Variants in TP63 observed in about 807,000 individuals in gnomAD.
TP63 encodes tumor protein 63.
In TP63, 17 loss-of-function variants were observed where a neutral mutation model predicts 82.8. The observed-to-expected ratio is 0.21, with a 90% CI of 0.14 to 0.31. The LOEUF (loss-of-function observed/expected upper bound fraction) is 0.31, where lower values mean the gene tolerates loss of function less well. TP63 is among the 10% of genes least tolerant of loss of function. The pLI, the probability that TP63 is intolerant of heterozygous loss-of-function variation, is 1.00. For missense variants in TP63, 648 were observed against 895.3 expected, an observed-to-expected ratio of 0.72 and a Z score of 3.52; for synonymous variants, 330 against 321.7, an observed-to-expected ratio of 1.03 and a Z score of -0.28.
rs1294809942 is a variant in TP63, at chr3:189,894,288, TCTC to T, written c.1834_1836del (p.Ser612del). 3 of 1,613,910 alleles carry T rather than the reference TCTC, an allele frequency of 1.9e-6. No individual in the cohort carries two copies. In the Admixed American group the frequency reaches 5.0e-5, roughly 27 times the overall value. On this transcript the variant is annotated inframe_deletion, in exon 14 of 14. Coordinates refer to ENST00000264731, the MANE Select transcript of TP63 (RefSeq NM_003722.5). ...CTGGACCACCGGCAGCTCCACGAAT[TCTC>T]CTCCCCTTCTCATCTCCTGCGGACC...
the TP63 span, among the ~76,000 whole-genome samples, chr3:189,620,152 C>T: frequency 6.6e-6 from 1 of 152,174 alleles, no homozygotes; most frequent in African/African-American, 2.4e-5. Flanking sequence ...GCGGGCAGAC[C>T]ACGAGGTCAA....
intron 5 of TP63, among the ~76,000 whole-genome samples, chr3:189,864,864 G>T (rs1717504080): frequency 6.6e-6 from 1 of 151,930 alleles, no homozygotes; most frequent in South Asian, 2.1e-4. Context: ...AAAATTAGCT[G>T]GGCATGGTGG....
intron 4 of TP63, among the ~76,000 whole-genome samples, chr3:189,846,865 T>C (rs1405893360): frequency 6.6e-6 from 1 of 151,754 alleles, no homozygotes; most frequent in Non-Finnish European, 1.5e-5. Context: ...ATATTTTTAG[T>C]AGAGATGGGG....
At chr3:189,855,906 T>C (rs2108776305) in intron 4 of TP63, among the ~76,000 whole-genome samples, 1 of 152,128 alleles carries the variant, frequency 6.6e-6, no homozygotes, top group South Asian at 2.1e-4. Flanking sequence ...AAGTTTTAAA[T>C]TTTCTGTAAC....
chr3:189,873,170 A>G, intron 10 of TP63, 175 bp downstream of exon 10: 2 of 837,400 alleles, frequency 2.4e-6, no homozygotes, highest in Non-Finnish European at 3.9e-6. Context: ...TACGTGTCTT[A>G]TTATAACCTT....
At chr3:189,752,334 C>T (rs1003247290) in intron 3 of TP63, among the ~76,000 whole-genome samples, 21 of 152,004 alleles carry the variant, frequency 1.4e-4, no homozygotes, top group Admixed American at 1.1e-3. Context: ...CCACCATACC[C>T]GGCTAACTTT....
intron 1 of TP63, among the ~76,000 whole-genome samples, chr3:189,689,658 C>T (rs1215647063): frequency 6.6e-6 from 1 of 151,950 alleles, no homozygotes; most frequent in Non-Finnish European, 1.5e-5. Context: ...TCAAAAGGGT[C>T]ATGCCTCAAA....
intron 1 of TP63, among the ~76,000 whole-genome samples, chr3:189,672,495 G>C (rs778775717): frequency 1.7e-4 from 26 of 151,960 alleles, no homozygotes; most frequent in Admixed American, 5.3e-4. Flanking sequence ...CCAGCTACTA[G>C]GGGAGCTGAG....
At chr3:189,713,412 G>T (rs565675334) in intron 1 of TP63, among the ~76,000 whole-genome samples, 1 of 152,228 alleles carries the variant, frequency 6.6e-6, no homozygotes, top group African/African-American at 2.4e-5. Flanking sequence ...TTGAGTTTTT[G>T]GATAAATACT....
chr3:189,887,864 T>TG (rs1720622834), intron 11 of TP63, among the ~76,000 whole-genome samples: 1 of 151,378 alleles, frequency 6.6e-6, no homozygotes, highest in African/African-American at 2.4e-5. Flanking sequence ...TGGTTTTTTT[T>TG]TTTTTTTTTT....
At chr3:189,878,755 A>G (rs1365249326) in intron 10 of TP63, among the ~76,000 whole-genome samples, 2 of 143,122 alleles carry the variant, frequency 1.4e-5, no homozygotes, top group Non-Finnish European at 3.0e-5. Context: ...TTTCATAGTT[A>G]TGAAGTTTTC....
chr3:189,731,154 G>A lies in TP63; in HGVS notation c.63-6586G>A, dbSNP rs111615878. 8.0e-3 allele frequency among the ~76,000 whole-genome samples: 1,212 copies of A among 152,188 alleles called. 8 individuals carry two copies. Among genetic ancestry groups the A allele is most frequent in the Non-Finnish European group, 0.012 (817 of 67,998 alleles). Reference sequence around the variant, plus strand: ...GGTCAGGAGTTTTGAGACCAGCCTGGCCAACATGGTGAAACCCCATCTCTA... The same window carrying A: ...GGTCAGGAGTTTTGAGACCAGCCTGACCAACATGGTGAAACCCCATCTCTA... On this transcript the variant is annotated intron_variant, in intron 1 of 13. Coordinates refer to ENST00000264731, the MANE Select transcript of TP63 (RefSeq NM_003722.5).
chr3:189,736,615 C>T (rs1180566405), intron 1 of TP63, among the ~76,000 whole-genome samples: 1 of 152,086 alleles, frequency 6.6e-6, no homozygotes, highest in Non-Finnish European at 1.5e-5. Flanking sequence ...CAGTATTATA[C>T]ACTTTTTATT....
intron 3 of TP63, among the ~76,000 whole-genome samples, chr3:189,778,482 A>AT (rs1343771887): frequency 5.9e-5 from 9 of 152,218 alleles, no homozygotes; most frequent in Non-Finnish European, 1.3e-4. Flanking sequence ...ACCAGTAAAC[A>AT]TTTTTGACCT....
rs981257671 is a variant in TP63 at position 189,840,643 on chromosome 3, G to A, written c.580-23589G>A. Among the ~76,000 whole-genome samples the A allele has an allele frequency of 1.9e-4, 29 of 151,724 alleles. 1 individual carries two copies. The highest frequency in any genetic ancestry group is 4.3e-4 in the African/African-American group (18 of 41,438). ...TGGGAGGCTGAGGTGGGTGGATCACGAGGTCAGAAGTTCAAGACCAGCCTG... is the reference window on the plus strand; with the variant it reads ...TGGGAGGCTGAGGTGGGTGGATCACAAGGTCAGAAGTTCAAGACCAGCCTG... On this transcript the variant is annotated intron_variant, in intron 4 of 13. Transcript: ENST00000264731.
At position 189,875,589 on chromosome 3, in the gene TP63, C is replaced by CATATATATATAT. The variant is rs779050433; in HGVS notation, c.1349+2597_1349+2598insTATATATATATA. Among the ~76,000 whole-genome samples, 79 of 44,366 alleles carry CATATATATATAT rather than the reference C, an allele frequency of 1.8e-3. 1 individual carries two copies. The highest frequency in any genetic ancestry group is 2.5e-3 in the African/African-American group (24 of 9,438). The allele number at this position is 44,366 out of a possible 152,430, so 29.1% of individuals were successfully genotyped here. A position where few individuals can be genotyped will look rare whatever the true frequency, so the allele number is the denominator to read the frequency against. On this transcript the variant is annotated intron_variant, in intron 10 of 13. Transcript: ENST00000264731. Reference sequence around the variant, plus strand: ...TCAAAAAGAAAAAGAAAAAAAAATACATACATATATATATATATATATATA... The same window carrying CATATATATATAT: ...TCAAAAAGAAAAAGAAAAAAAAATACATATATATATATATACATATATATATATATATATATA...
chr3:189,815,756 A>G (rs1483823125), intron 4 of TP63, among the ~76,000 whole-genome samples: 1 of 152,172 alleles, frequency 6.6e-6, no homozygotes, highest in African/African-American at 2.4e-5. Flanking sequence ...TTATTAAAAT[A>G]ACTAAAATAA....
intron 3 of TP63, among the ~76,000 whole-genome samples, chr3:189,793,488 TA>T (rs1365873112): frequency 6.6e-6 from 1 of 152,086 alleles, no homozygotes; most frequent in African/African-American, 2.4e-5. Flanking sequence ...CGTTCTGCTA[TA>T]AAGGGAGTAT....
intron 1 of TP63, among the ~76,000 whole-genome samples, chr3:189,664,878 G>T (rs1186708356): frequency 6.6e-6 from 1 of 152,106 alleles, no homozygotes; most frequent in Non-Finnish European, 1.5e-5. Context: ...AAGAGATCTA[G>T]CTGGTGGGGA....
Sources: gnomAD v4.1 joint callset for allele counts (sites outside exome capture counted in the v4.1 genomes callset) on GRCh38, gnomAD v4.1.1 for gene constraint, MANE v1.5 for transcripts, NCBI Gene and HGNC (gene_info 2026-07-23, HGNC 2026-07-21) for gene names.